CTDSP2: variants seen among roughly 807,000 people sequenced by gnomAD.
CTDSP2 encodes CTD small phosphatase 2, also known as carboxy-terminal domain RNA polymerase II polypeptide A small phosphatase 2.
In CTDSP2, 9 loss-of-function variants were observed where a neutral mutation model predicts 31.6. The ratio of observed to expected loss-of-function variants is 0.28; its 90% CI spans 0.17 to 0.50. The LOEUF (loss-of-function observed/expected upper bound fraction) is 0.50, where lower values mean the gene tolerates loss of function less well. CTDSP2 is among the 20% of genes least tolerant of loss of function. The pLI, the probability that CTDSP2 is intolerant of heterozygous loss-of-function variation, is 0.98. For synonymous variants in CTDSP2, 134 were observed against 134.5 expected (o/e 1.00, Z 0.03); for missense variants, 267 against 348.5 (o/e 0.77, Z 1.86).
intron 1 of CTDSP2, among the ~76,000 whole-genome samples, chr12:57,839,577 G>T (rs1956269607): frequency 6.6e-6 from 1 of 152,086 alleles, no homozygotes; most frequent in South Asian, 2.1e-4. Context: ...AATTAGCCGG[G>T]CGTGGTGGCG....
intron 4 of CTDSP2, 51 bp downstream of exon 4, chr12:57,826,945 T>G: frequency 7.2e-7 from 1 of 1,396,118 alleles, no homozygotes; most frequent in South Asian, 1.2e-5. Flanking sequence ...GTTGCCAGAT[T>G]CACAAGAAGG....
intron 1 of CTDSP2, among the ~76,000 whole-genome samples, chr12:57,833,121 A>G (rs1956226853): frequency 6.6e-6 from 1 of 152,250 alleles, no homozygotes; most frequent in Non-Finnish European, 1.5e-5. Context: ...AGAGGCCGTC[A>G]GGAATGCACT....
At position 57,822,720 on chromosome 12, in the gene CTDSP2, C is replaced by A. The variant is rs547332705; in HGVS notation, c.*882G>T. 1 of 152,402 alleles carries A rather than the reference C, an allele frequency of 6.6e-6. No homozygotes were observed. The highest frequency in any genetic ancestry group is 2.1e-4 in the South Asian group (1 of 4,828). 9.4% of individuals were successfully genotyped at this position (152,402 alleles called of 1,614,324 possible). A position where few individuals can be genotyped will look rare whatever the true frequency, so the allele number is the denominator to read the frequency against. ...TCCACGCTTTGAGGATTTGTCTTTT[C>A]CCTGCAACCCCAGCGCCGCCGACAT... is the stretch of plus-strand genomic sequence containing the variant. On this transcript the variant is annotated 3_prime_UTR_variant, in exon 8 of 8. Transcript: ENST00000398073.
intron 3 of CTDSP2, 27 bp downstream of exon 3, chr12:57,827,525 A>C (rs1169737096): frequency 6.2e-7 from 1 of 1,613,064 alleles, no homozygotes; most frequent in Non-Finnish European, 8.5e-7. Context: ...CTGGCTTCTG[A>C]GTACTTACCA....
At chr12:57,827,294 T>A in intron 3 of CTDSP2, 197 bp from the exon 4 acceptor site, 1 of 627,666 alleles carries the variant, frequency 1.6e-6, no homozygotes. Flanking sequence ...TTAAGTGATC[T>A]GGACATTGGA....
chr12:57,840,221 G>A (rs1257486886), intron 1 of CTDSP2, among the ~76,000 whole-genome samples: 1 of 152,244 alleles, frequency 6.6e-6, no homozygotes, highest in East Asian at 1.9e-4. Flanking sequence ...CAGATCCCAG[G>A]TGGGGGGTCT....
intron 1 of CTDSP2, among the ~76,000 whole-genome samples, chr12:57,841,061 T>C (rs1240140718): frequency 6.6e-6 from 1 of 152,238 alleles, no homozygotes; most frequent in African/African-American, 2.4e-5. Context: ...TAATTTCTAG[T>C]ACTTTCTTTG....
intron 1 of CTDSP2, among the ~76,000 whole-genome samples, chr12:57,842,919 C>T (rs935908704): frequency 6.6e-6 from 1 of 152,226 alleles, no homozygotes; most frequent in African/African-American, 2.4e-5. Context: ...GGCAGAATTT[C>T]TCCCTTATGC....
Position 57,825,461 on chromosome 12 carries a change from C to T in CTDSP2, c.411+885G>A, listed in dbSNP as rs563685317. On this transcript the variant is annotated intron_variant, in intron 5 of 7. Coordinates refer to ENST00000398073, the MANE Select transcript of CTDSP2 (RefSeq NM_005730.4). ...ATTATTCATACCCTTCCTTGTTAGC[C>T]AGGAGTTCACAGTGTATATCTGTTT... Among the ~76,000 whole-genome samples the T allele has an allele frequency of 3.9e-5, 6 of 152,326 alleles. No individual in the cohort carries two copies. The East Asian group carries it at 1.2e-3, about 29-fold the overall frequency.
intron 1 of CTDSP2, chr12:57,845,659 G>C (rs1299862195): frequency 1.3e-5 from 2 of 152,350 alleles, no homozygotes; most frequent in Admixed American, 6.5e-5. Context: ...GGAGCGCACC[G>C]GGCAGGGAGG....
At chr12:57,843,197 C>A (rs1006198993) in intron 1 of CTDSP2, among the ~76,000 whole-genome samples, 1 of 152,204 alleles carries the variant, frequency 6.6e-6, no homozygotes, top group Admixed American at 6.5e-5. Flanking sequence ...GAGGTTACAG[C>A]GTGGGTCTTG....
intron 4 of CTDSP2, 30 bp downstream of exon 4, chr12:57,826,966 A>C: frequency 6.6e-7 from 1 of 1,514,624 alleles, no homozygotes; most frequent in East Asian, 2.3e-5. Context: ...CCCAAGATAA[A>C]GGTAGGAAGG....
intron 1 of CTDSP2, chr12:57,845,354 G>C (rs570418621): frequency 6.6e-6 from 1 of 152,292 alleles, no homozygotes; most frequent in East Asian, 1.9e-4. Context: ...AGAGTTTCGA[G>C]TCTCCCACTG....
At chr12:57,829,705 C>A in intron 1 of CTDSP2, 109 bp from the exon 2 acceptor site, 1 of 881,982 alleles carries the variant, frequency 1.1e-6, no homozygotes, top group Non-Finnish European at 1.8e-6. Context: ...CTAGGGCACA[C>A]AGTATACGGC....
chr12:57,839,786 G>A (rs938189675), intron 1 of CTDSP2, among the ~76,000 whole-genome samples: 1 of 151,884 alleles, frequency 6.6e-6, no homozygotes, highest in African/African-American at 2.4e-5. Flanking sequence ...TGTACCCTTG[G>A]GCAAAGTCCT....
rs556842470 is a variant in CTDSP2, at chr12:57,829,575, G to A, written c.86C>T (p.Pro29Leu). 1 of 1,614,170 alleles carries A rather than the reference G, an allele frequency of 6.2e-7. No homozygotes were observed. The highest frequency in any genetic ancestry group is 1.1e-5 in the South Asian group (1 of 91,084). Residue 29 changes from proline to leucine, a missense_variant, in exon 2 of 8, where the codon CCT (proline) becomes CTT (leucine). Physicochemically the swap from Pro to Leu is moderately conservative, Grantham distance 98. Transcript: ENST00000398073. ...TKQGLVSKSS[P>L]KKPRGRNIFK... ...GATGTTACGTCCACGAGGCTTCTTA[G>A]GAGAGGACTTGGAGACCAGGCCTAG...
At chr12:57,824,348 G>A in intron 5 of CTDSP2, 29 bp from the exon 6 acceptor site, 1 of 1,547,218 alleles carries the variant, frequency 6.5e-7, no homozygotes, top group South Asian at 1.1e-5. Context: ...GCCTGTTGGA[G>A]GCATCCCTGT....
chr12:57,831,302 A>C (rs1956214263), intron 1 of CTDSP2, among the ~76,000 whole-genome samples: 1 of 151,832 alleles, frequency 6.6e-6, no homozygotes, highest in African/African-American at 2.4e-5. Context: ...CTAAAAATAC[A>C]AAACAGCCGT....
chr12:57,845,970 C>T (rs1434791204), intron 1 of CTDSP2, among the ~76,000 whole-genome samples: 4 of 152,196 alleles, frequency 2.6e-5, no homozygotes, highest in Non-Finnish European at 5.9e-5. Flanking sequence ...CTGGGGCTCC[C>T]TCTGTCACCT....
Sources: allele counts gnomAD v4.1 joint callset (sites outside exome capture counted in the v4.1 genomes callset), GRCh38; gene constraint gnomAD v4.1.1; transcripts MANE v1.5; gene names NCBI Gene and HGNC (gene_info 2026-07-23, HGNC 2026-07-21).